Variants in NLRC3 observed in about 807,000 individuals in gnomAD.
NLRC3 encodes the protein NLR family CARD domain containing 3.
NLRC3 carries 87 observed loss-of-function variants against 91.6 expected under a neutral mutation model. That is an observed-to-expected ratio of 0.95 (90% confidence interval 0.80 to 1.14). The LOEUF (loss-of-function observed/expected upper bound fraction) is 1.14. Among genes scored for constraint, NLRC3 ranks in the 50% most tolerant of loss-of-function variants. NLRC3 has a pLI of 0.00. For missense variants in NLRC3, 1,577 were observed against 1,418.6 expected, an observed-to-expected ratio of 1.11 and a Z score of -1.79; for synonymous variants, 694 against 625.3, an observed-to-expected ratio of 1.11 and a Z score of -1.64.
chr16:3,561,658 C>A, intron 6 of NLRC3, 44 bp downstream of exon 6: 1 of 1,376,902 alleles, frequency 7.3e-7, no homozygotes, highest in Non-Finnish European at 1.0e-6. Flanking sequence ...TTCCATACCC[C>A]ACAAGACCAT....
intron 1 of NLRC3, among the ~76,000 whole-genome samples, chr16:3,569,843 T>G (rs1052935574): frequency 6.6e-6 from 1 of 152,194 alleles, no homozygotes; most frequent in Non-Finnish European, 1.5e-5. Flanking sequence ...AGGTGTGATG[T>G]TTGTGACAGA....
In NLRC3 at chr16:3,543,443, C is replaced by G. The variant is rs2038513212; in HGVS notation, c.2921G>C (p.Arg974Thr). The G allele has an allele frequency of 1.9e-6, 3 of 1,612,160 alleles. No individual in the cohort carries two copies. The highest frequency in any genetic ancestry group is 1.6e-4 in the Middle Eastern group (1 of 6,080). The part of the protein sequence containing the change: ...QVLGEALAVN[R>T]TLEILDLRGN... ...TACTTACTCGAGAATCTCCAAGGTT[C>G]TGTTCACAGCCAAGGCTTCCCCTAG... The change falls in exon 17 of 20, where the codon AGA (arginine) becomes ACA (threonine). Residue 974 changes from arginine (R) to threonine (T), a missense_variant. Coordinates refer to ENST00000359128, the MANE Select transcript of NLRC3 (RefSeq NM_178844.4).
At position 3,563,342 on chromosome 16, in the gene NLRC3, G is replaced by A. The variant is rs1376968617; in HGVS notation, c.1595C>T (p.Ser532Phe). 1.9e-6 allele frequency: 3 copies of A among 1,592,714 alleles called. No homozygotes were observed. The highest frequency in any genetic ancestry group is 1.7e-4 in the Middle Eastern group (1 of 5,936). The change falls in exon 5 of 20, where the codon TCC becomes TTC. Residue 532 changes from serine (S) to phenylalanine (F), a missense_variant. Ser to Phe is a radical substitution (Grantham distance 155, BLOSUM62 -2). Transcript: ENST00000359128. ...CTGGTGCTCGCCTTGGGCCAGCAGGGAGCCGGCCAGGAGGGCATTGACCCT... is the reference window on the plus strand; with the variant it reads ...CTGGTGCTCGCCTTGGGCCAGCAGGAAGCCGGCCAGGAGGGCATTGACCCT... ...SPRVNALLAG[S>F]LLAQGEHQAY...
At chr16:3,547,722 G>A (rs143596241) in intron 15 of NLRC3, among the ~76,000 whole-genome samples, 4,648 of 152,250 alleles carry the variant, frequency 0.031, 210 homozygotes, top group African/African-American at 0.099. Flanking sequence ...AGGCTGGAGT[G>A]CAGTGACGCG....
intron 1 of NLRC3, among the ~76,000 whole-genome samples, chr16:3,571,807 G>C (rs1451153065): frequency 6.6e-6 from 1 of 151,528 alleles, no homozygotes; most frequent in East Asian, 1.9e-4. Context: ...GGGCGTGGTG[G>C]CACGTGCCTG....
intron 9 of NLRC3, 69 bp downstream of exon 9, chr16:3,554,173 A>G (rs1186486118): frequency 8.4e-7 from 1 of 1,193,218 alleles, no homozygotes; most frequent in African/African-American, 1.5e-5. Context: ...AGCAGGTAAT[A>G]GGCAGAGAGG....
intron 3 of NLRC3, 28 bp downstream of exon 3, chr16:3,565,291 G>A (rs1567150005): frequency 1.5e-6 from 1 of 679,330 alleles, no homozygotes; most frequent in Non-Finnish European, 2.7e-6. Flanking sequence ...CTGGGGCCCT[G>A]AGCTTGTACC....
chr16:3,559,084 A>G (rs2039486791), intron 6 of NLRC3, among the ~76,000 whole-genome samples: 1 of 152,156 alleles, frequency 6.6e-6, no homozygotes, highest in Non-Finnish European at 1.5e-5. Flanking sequence ...GTACTTTTCA[A>G]GCTATATTGA....
In NLRC3 at chr16:3,563,049, G is replaced by C. The variant is rs1197489794; in HGVS notation, c.1888C>G (p.Gln630Glu). 6.4e-7 allele frequency: 1 copy of C among 1,560,142 alleles called. No homozygotes were observed. The highest frequency in any genetic ancestry group is 8.7e-7 in the Non-Finnish European group (1 of 1,152,686). ...TAGAGCAGCTGGGGCAGCAGGCTCT[G>C]AAGGACGCCCTGGCTGAGGCTCAGG... is the stretch of plus-strand genomic sequence containing the variant. Reference protein sequence around the residue: ...LSLSLSQGVLQSLLPQLLYCR... With the variant: ...LSLSLSQGVLESLLPQLLYCR... The change falls in exon 5 of 20, where the codon CAG becomes GAG. Residue 630 changes from glutamine to glutamate, a missense_variant. Physicochemically the swap from Gln to Glu is conservative, Grantham distance 29 (BLOSUM62 2). Coordinates refer to ENST00000359128, the MANE Select transcript of NLRC3 (RefSeq NM_178844.4).
intron 1 of NLRC3, among the ~76,000 whole-genome samples, chr16:3,570,804 G>A (rs1210091307): frequency 5.9e-5 from 9 of 152,300 alleles, no homozygotes; most frequent in South Asian, 2.1e-4. Flanking sequence ...GCCAGTCACC[G>A]TTGTTGTAAG....
In NLRC3 at chr16:3,564,708, C is replaced by G; in HGVS notation, c.229G>C (p.Gly77Arg). The G allele has an allele frequency of 6.3e-7, 1 of 1,596,752 alleles. No individual in the cohort carries two copies. The highest frequency in any genetic ancestry group is 8.5e-7 in the Non-Finnish European group (1 of 1,177,112). Residue 77 changes from glycine (G) to arginine (R), a missense_variant, in exon 5 of 20, where the codon GGC becomes CGC. Physicochemically the swap from Gly to Arg is moderately radical, Grantham distance 125. Transcript: ENST00000359128. This position sits in a 1 kb window ranked among gnomAD's most constrained non-coding sequence, Gnocchi z 5.9. Reference sequence around the variant, plus strand: ...TGCCAGGGTCCGCCCAGCTCCGGGCCACCTCCCACCTTGCTCAGCAGGGCC... The same window carrying G: ...TGCCAGGGTCCGCCCAGCTCCGGGCGACCTCCCACCTTGCTCAGCAGGGCC... Reference protein sequence around the residue: ...RKALLSKVGGGPELGGPWHRL... With the variant: ...RKALLSKVGGRPELGGPWHRL...
chr16:3,544,391 TGCC>T (rs1416910852), intron 15 of NLRC3, 62 bp from the exon 16 acceptor site: 3 of 1,189,676 alleles, frequency 2.5e-6, no homozygotes, highest in Non-Finnish European at 3.7e-6. Context: ...AGCAAGGCCC[TGCC>T]GCACTTGGAC....
At position 3,542,709 on chromosome 16, in the gene NLRC3, T is replaced by C. The variant is rs144218898; in HGVS notation, c.3006A>G (p.Ser1002=). Residue 1002 remains serine, a synonymous_variant, in exon 18 of 20, where the codon TCA becomes TCG. Coordinates refer to ENST00000359128, the MANE Select transcript of NLRC3 (RefSeq NM_178844.4). ...CCACTTACTTGAGTCTCCGGAGACT[T>C]GAGTTTACCTTCAGAGCATTTGCCA... The part of the protein sequence containing the change: ...KALANALKVN[S]SLRRLNLQEN... 2 of 1,609,552 alleles carry C rather than the reference T, an allele frequency of 1.2e-6. No individual in the cohort carries two copies. The highest frequency in any genetic ancestry group is 4.5e-5 in the East Asian group (2 of 44,822).
intron 6 of NLRC3, among the ~76,000 whole-genome samples, chr16:3,558,559 T>A (rs2039458253): frequency 6.7e-6 from 1 of 149,736 alleles, no homozygotes; most frequent in South Asian, 2.1e-4. Flanking sequence ...TTATTTAAAA[T>A]TAACTTTAAA....
Position 3,549,778 on chromosome 16 carries a change from A to C in NLRC3, c.2438T>G (p.Leu813Arg). 1.9e-6 allele frequency: 3 copies of C among 1,550,214 alleles called. No homozygotes were observed. The South Asian group carries it at 3.6e-5, about 18-fold the overall frequency. Reference sequence around the variant, plus strand: ...TGCGTCACTGATGGAATTGCTCTGCAGGCTGCGGAAAGAGGAGGCGCCCTG... The same window carrying C: ...TGCGTCACTGATGGAATTGCTCTGCCGGCTGCGGAAAGAGGAGGCGCCCTG... ...KVNQGLESLD[L>R]QSNSISDAGV... The change falls in exon 12 of 20, where the codon CTG (leucine) becomes CGG (arginine). Residue 813 changes from leucine to arginine, a missense_variant and splice_region_variant. Leu to Arg is a moderately radical substitution (Grantham distance 102, BLOSUM62 -2). Coordinates refer to ENST00000359128, the MANE Select transcript of NLRC3 (RefSeq NM_178844.4).
chr16:3,549,350 A>T (rs2038875699), intron 12 of NLRC3, 125 bp from the exon 13 acceptor site: 1 of 745,276 alleles, frequency 1.3e-6, no homozygotes, highest in Non-Finnish European at 2.3e-6. Context: ...AGTTCTGCAT[A>T]GTCTGGGCTG....
At position 3,564,811 on chromosome 16, in the gene NLRC3, C is replaced by T; in HGVS notation, c.178+48G>A. 6.4e-7 allele frequency: 1 copy of T among 1,571,774 alleles called. No individual in the cohort carries two copies. The highest frequency in any genetic ancestry group is 8.6e-7 in the Non-Finnish European group (1 of 1,160,680). ...CTGGTAAGGGAAGAGTGGGCACAATCAGCCCAGGTGTTCCCCACCCCGCGT... is the reference window on the plus strand; with the variant it reads ...CTGGTAAGGGAAGAGTGGGCACAATTAGCCCAGGTGTTCCCCACCCCGCGT... On this transcript the variant is annotated intron_variant, in intron 4 of 19. Transcript: ENST00000359128. This position sits in a 1 kb window ranked among gnomAD's most constrained non-coding sequence, Gnocchi z 5.9.
chr16:3,547,031 C>T (rs1268193777), intron 15 of NLRC3, among the ~76,000 whole-genome samples: 3 of 152,142 alleles, frequency 2.0e-5, no homozygotes, highest in Non-Finnish European at 4.4e-5. Context: ...CACGCCCCAG[C>T]GACTCCACTC....
In NLRC3 at chr16:3,564,786, C is replaced by T; in HGVS notation, c.179-28G>A. 6.4e-7 allele frequency: 1 copy of T among 1,566,312 alleles called. No homozygotes were observed. Among genetic ancestry groups the T allele is most frequent in the Non-Finnish European group, 8.6e-7 (1 of 1,159,388 alleles). On this transcript the variant is annotated intron_variant, in intron 4 of 19. Transcript: ENST00000359128. This position sits in a 1 kb window ranked among gnomAD's most constrained non-coding sequence, Gnocchi z 5.9. ...GCGGGACAGAGGCCAGTGGGGAGGT[C>T]TGGTAAGGGAAGAGTGGGCACAATC... is the stretch of plus-strand genomic sequence containing the variant.
Sources: gnomAD v4.1 joint callset for allele counts (sites outside exome capture counted in the v4.1 genomes callset) on GRCh38, gnomAD v4.1.1 for gene constraint, Gnocchi (gnomAD v3.1) non-coding constraint, MANE v1.5 for transcripts, NCBI Gene and HGNC (gene_info 2026-07-23, HGNC 2026-07-21) for gene names.